SEMA5B: variants seen among roughly 807,000 people sequenced by gnomAD.
The protein encoded by SEMA5B is semaphorin-5B.
A neutral mutation model predicts 135.0 loss-of-function variants in SEMA5B; 66 were observed. The ratio of observed to expected loss-of-function variants is 0.49; its 90% confidence interval spans 0.40 to 0.60. The LOEUF (loss-of-function observed/expected upper bound fraction) is 0.60. Among genes scored for constraint, SEMA5B ranks in the 20% least tolerant of loss-of-function variants. SEMA5B has a pLI of 0.00. For missense variants in SEMA5B, 1,501 were observed against 1,566.3 expected (o/e 0.96, Z 0.70); for synonymous variants, 690 against 639.5 (o/e 1.08, Z -1.19).
chr3:123,015,920 T>G (rs879786504), intron 1 of SEMA5B, among the ~76,000 whole-genome samples: 1 of 152,232 alleles, frequency 6.6e-6, no homozygotes, highest in Non-Finnish European at 1.5e-5. Context: ...CCATGCGATG[T>G]CTGGGCCTCA....
intron 1 of SEMA5B, among the ~76,000 whole-genome samples, chr3:122,963,560 T>C (rs897025955): frequency 2.0e-5 from 3 of 151,616 alleles, no homozygotes; most frequent in Non-Finnish European, 4.4e-5. Flanking sequence ...CTGATTTTAT[T>C]CTAAAGTTAA....
intron 2 of SEMA5B, among the ~76,000 whole-genome samples, chr3:122,954,364 C>T (rs1214262191): frequency 6.6e-6 from 1 of 152,256 alleles, no homozygotes; most frequent in East Asian, 1.9e-4. Flanking sequence ...CTTCCATGAG[C>T]CACCCCCACT....
intron 2 of SEMA5B, among the ~76,000 whole-genome samples, chr3:122,952,945 C>G (rs927631893): frequency 6.6e-6 from 1 of 152,156 alleles, no homozygotes; most frequent in Non-Finnish European, 1.5e-5. Context: ...GCTTACCAGC[C>G]CCTGCGTACT....
At chr3:122,912,805 G>A (rs1334960206) in intron 18 of SEMA5B, 38 bp downstream of exon 18, 3 of 1,507,906 alleles carry the variant, frequency 2.0e-6, no homozygotes, top group Admixed American at 4.2e-5. Context: ...GGATGACAGG[G>A]TTTCGCTAGG....
At chr3:122,935,694 T>C (rs1313711644) in intron 5 of SEMA5B, among the ~76,000 whole-genome samples, 24 of 128,836 alleles carry the variant, frequency 1.9e-4, no homozygotes, top group South Asian at 8.3e-4. Flanking sequence ...TTCTTTTTTT[T>C]TTTTTTTTTT....
intron 10 of SEMA5B, among the ~76,000 whole-genome samples, 184 bp from the exon 11 acceptor site, chr3:122,922,631 G>A (rs1453486579): frequency 6.6e-6 from 1 of 152,210 alleles, no homozygotes; most frequent in African/African-American, 2.4e-5. Flanking sequence ...CTCTTCTTTG[G>A]GAACTAAGAA....
chr3:123,000,260 T>C (rs530281533), intron 1 of SEMA5B, among the ~76,000 whole-genome samples: 1 of 152,074 alleles, frequency 6.6e-6, no homozygotes, highest in South Asian at 2.1e-4. Context: ...AAGGATAGAA[T>C]AGGGCAAGGG....
Position 122,915,459 on chromosome 3 carries a change from G to A in SEMA5B, c.1969C>T (p.His657Tyr). ...GGLDCLGPAI[H>Y]IANCSRNGAW... ...ACATACCTGGAGCAGTTGGCGATGT[G>A]GATGGCTGGCCCCAGGCAGTCAAGG... is the stretch of plus-strand genomic sequence containing the variant. Residue 657 changes from histidine to tyrosine, a missense_variant, in exon 14 of 23, where the codon CAC (histidine) becomes TAC (tyrosine). By Grantham distance (83) the His-to-Tyr change is moderately conservative (BLOSUM62 2). Transcript: ENST00000357599. The A allele has an allele frequency of 6.2e-7, 1 of 1,612,092 alleles. No homozygotes were observed. Among genetic ancestry groups the A allele is most frequent in the South Asian group, 1.1e-5 (1 of 90,792 alleles).
chr3:122,961,056 G>GC, intron 2 of SEMA5B, 84 bp downstream of exon 2: 1 of 1,399,656 alleles, frequency 7.1e-7, no homozygotes, highest in Admixed American at 2.2e-5. Context: ...TGCTGATGAT[G>GC]CCCCAGATGA....
At chr3:122,941,167 G>A (rs1042950826) in intron 4 of SEMA5B, among the ~76,000 whole-genome samples, 22 of 152,220 alleles carry the variant, frequency 1.4e-4, no homozygotes, top group East Asian at 1.9e-4. Context: ...ACAATGTCAG[G>A]CAGAAGAAAA....
Position 122,961,216 on chromosome 3 carries a change from A to C in SEMA5B, c.48T>G (p.Pro16=), listed in dbSNP as rs1034444750. 1.2e-6 allele frequency: 2 copies of C among 1,613,922 alleles called. No individual in the cohort carries two copies. Among genetic ancestry groups the C allele is most frequent in the African/African-American group, 2.7e-5 (2 of 74,912 alleles). The change falls in exon 2 of 23, where the codon CCT becomes CCG. Residue 16 remains proline, a synonymous_variant. Transcript: ENST00000357599. The stretch of plus-strand genomic sequence containing the variant: ...GTTGGGCTGGGGTATCAGGCGGCCC[A>C]GGGACGAGGTGGTGGGCAACAGGAG... ...SPSPVAHHLV[P]GPPDTPAQQL... is the part of the protein sequence containing the mutation.
chr3:122,912,946 G>C lies in SEMA5B; in HGVS notation c.2622C>G (p.Arg874=), dbSNP rs1294907585. The C allele has an allele frequency of 1.2e-6, 2 of 1,612,522 alleles. No individual in the cohort carries two copies. The highest frequency in any genetic ancestry group is 1.7e-6 in the Non-Finnish European group (2 of 1,179,448). Residue 874 remains arginine (R), a synonymous_variant, in exon 18 of 23, where the codon CGC becomes CGG. Coordinates refer to ENST00000357599, the MANE Select transcript of SEMA5B (RefSeq NM_001031702.4). ...GGTTAGTGCACGTTCTCTTGCGGAC[G>C]CGGAAGCCCAGCTCGCAGTCCCGGG... The part of the protein sequence containing the change: ...SCSRDCELGF[R]VRKRTCTNPE...
chr3:122,987,209 C>A (rs1941730063), intron 1 of SEMA5B, among the ~76,000 whole-genome samples: 1 of 151,684 alleles, frequency 6.6e-6, no homozygotes, highest in South Asian at 2.1e-4. Context: ...AGGGTAAAGT[C>A]CTGGGAAGGG....
intron 21 of SEMA5B, 166 bp from the exon 22 acceptor site, chr3:122,911,211 G>T: frequency 9.9e-7 from 1 of 1,008,824 alleles, no homozygotes; most frequent in African/African-American, 1.6e-5. Context: ...GCTGTCACTG[G>T]GGACCTCTTT....
At chr3:123,019,933 A>G (rs934286269) in intron 1 of SEMA5B, among the ~76,000 whole-genome samples, 9 of 152,230 alleles carry the variant, frequency 5.9e-5, no homozygotes. Context: ...CAAATCAGGG[A>G]CAGGGAAGCA....
intron 1 of SEMA5B, among the ~76,000 whole-genome samples, chr3:122,978,179 C>T (rs1941396657): frequency 6.6e-6 from 1 of 152,248 alleles, no homozygotes; most frequent in East Asian, 1.9e-4. Context: ...AAAGGGCAAA[C>T]CCTTGAACCA....
At chr3:122,996,500 C>A (rs950252659) in intron 1 of SEMA5B, among the ~76,000 whole-genome samples, 1 of 152,354 alleles carries the variant, frequency 6.6e-6, no homozygotes. Flanking sequence ...CTTGGCCTCA[C>A]ACATGCCAAG....
chr3:122,939,750 T>C (rs1939470590), intron 4 of SEMA5B, among the ~76,000 whole-genome samples: 1 of 152,124 alleles, frequency 6.6e-6, no homozygotes, highest in Admixed American at 6.5e-5. Flanking sequence ...ACCCAGACTT[T>C]CCTCCAAGTT....
intron 1 of SEMA5B, among the ~76,000 whole-genome samples, chr3:122,976,921 G>T (rs1391598047): frequency 6.6e-6 from 1 of 152,116 alleles, no homozygotes; most frequent in African/African-American, 2.4e-5. Flanking sequence ...ATGGTGGCAC[G>T]CACGTGTAAT....
Sources: gnomAD v4.1 joint callset for allele counts (sites outside exome capture counted in the v4.1 genomes callset) on GRCh38, gnomAD v4.1.1 for gene constraint, MANE v1.5 for transcripts, NCBI Gene and HGNC (gene_info 2026-07-23, HGNC 2026-07-21) for gene names.